DAAM2: variants seen among roughly 807,000 people sequenced by gnomAD.
DAAM2 encodes dishevelled associated activator of morphogenesis 2.
DAAM2 carries 39 observed loss-of-function variants against 120.7 expected under a neutral mutation model. That is an observed-to-expected ratio of 0.32 (90% CI 0.25 to 0.42). The LOEUF is 0.42. Ranked by LOEUF, DAAM2 falls within the 10% of genes least tolerant of loss-of-function variation. The pLI, the probability that DAAM2 is intolerant of heterozygous loss-of-function variation, is 1.00. For missense variants in DAAM2, 1,283 were observed against 1,401.7 expected, an observed-to-expected ratio of 0.92 and a Z score of 1.35; for synonymous variants, 488 against 524.9, an observed-to-expected ratio of 0.93 and a Z score of 0.96.
chr6:39,813,135 G>A (rs1345916122), intron 1 of DAAM2, among the ~76,000 whole-genome samples: 1 of 152,012 alleles, frequency 6.6e-6, no homozygotes. Context: ...GAGAAGGAAA[G>A]AAGAGGCAGA....
chr6:39,869,780 T>TTTTA (rs1554181763), intron 7 of DAAM2, among the ~76,000 whole-genome samples: 2 of 99,168 alleles, frequency 2.0e-5, no homozygotes, highest in African/African-American at 4.1e-5. Flanking sequence ...TTTTTTTTTT[T>TTTTA]AAAAACAATT....
At chr6:39,883,722 T>G in intron 14 of DAAM2, 8 of 433,670 alleles carry the variant, frequency 1.8e-5, no homozygotes, top group East Asian at 7.5e-5. Context: ...TTCTAGAACA[T>G]GTTTACATGT....
chr6:39,837,489 C>T (rs1763146128), intron 1 of DAAM2, among the ~76,000 whole-genome samples: 1 of 151,606 alleles, frequency 6.6e-6, no homozygotes. Context: ...ATGATGAAAC[C>T]CCGTCTCTAC....
chr6:39,815,286 C>A lies in DAAM2; in HGVS notation c.-57+22821C>A, dbSNP rs952505812. ...TCTGAGTTCCTATTTCCACTGAATTCGTTAAGATTATTAACTACCCCTAGG... is the reference window on the plus strand; with the variant it reads ...TCTGAGTTCCTATTTCCACTGAATTAGTTAAGATTATTAACTACCCCTAGG... On this transcript the variant is annotated intron_variant, in intron 1 of 24. Coordinates refer to ENST00000274867, the MANE Select transcript of DAAM2 (RefSeq NM_001201427.2). 3.3e-5 allele frequency among the ~76,000 whole-genome samples: 5 copies of A among 152,258 alleles called. 1 individual carries two copies. In the South Asian group the frequency reaches 1.0e-3, roughly 32 times the overall value.
At chr6:39,864,787 C>T (rs907791835) in intron 4 of DAAM2, among the ~76,000 whole-genome samples, 193 bp from the exon 5 acceptor site, 1 of 152,216 alleles carries the variant, frequency 6.6e-6, no homozygotes, top group African/African-American at 2.4e-5. Context: ...CAGTACTTCT[C>T]TCCATTTCAC....
intron 1 of DAAM2, among the ~76,000 whole-genome samples, chr6:39,854,484 C>T (rs1763926262): frequency 1.3e-5 from 2 of 152,134 alleles, no homozygotes; most frequent in Admixed American, 1.3e-4. Context: ...TGAGGCTTTT[C>T]TGGGCCTATT....
At chr6:39,794,133 G>A (rs1467837935) in intron 1 of DAAM2, among the ~76,000 whole-genome samples, 1 of 152,222 alleles carries the variant, frequency 6.6e-6, no homozygotes, top group Non-Finnish European at 1.5e-5. Flanking sequence ...GTCAACTGAA[G>A]TGTAATGAAG....
At chr6:39,827,938 C>T (rs192217245) in intron 1 of DAAM2, among the ~76,000 whole-genome samples, 8 of 152,224 alleles carry the variant, frequency 5.3e-5, no homozygotes, top group Admixed American at 4.6e-4. Flanking sequence ...GGGAACGCCT[C>T]GCTGTCCTTG....
chr6:39,877,261 C>T (rs1032543943), intron 11 of DAAM2, among the ~76,000 whole-genome samples: 2 of 152,190 alleles, frequency 1.3e-5, no homozygotes, highest in East Asian at 1.9e-4. Context: ...CTTGTGCCAA[C>T]GAACTCTAGG....
chr6:39,825,234 AC>A (rs1455947383), intron 1 of DAAM2, among the ~76,000 whole-genome samples: 3 of 152,032 alleles, frequency 2.0e-5, no homozygotes, highest in Non-Finnish European at 4.4e-5. Context: ...TACTAAAAAT[AC>A]AAAAATTAGC....
chr6:39,803,016 G>T (rs1246975905), intron 1 of DAAM2, among the ~76,000 whole-genome samples: 3 of 152,132 alleles, frequency 2.0e-5, no homozygotes, highest in African/African-American at 7.2e-5. Context: ...TTGTTGTGTA[G>T]ATCATTCATT....
At chr6:39,870,516 T>C in intron 8 of DAAM2, 73 bp downstream of exon 8, 6 of 959,110 alleles carry the variant, frequency 6.3e-6, no homozygotes, top group Non-Finnish European at 8.2e-6. Flanking sequence ...TTGGGACCTT[T>C]GTGAAGGCTG....
intron 1 of DAAM2, among the ~76,000 whole-genome samples, chr6:39,814,388 T>C (rs1351401819): frequency 6.6e-6 from 1 of 152,116 alleles, no homozygotes; most frequent in Admixed American, 6.5e-5. Flanking sequence ...AAAGCCAGCC[T>C]CCCCTTTGAC....
At chr6:39,796,298 C>T (rs1761696938) in intron 1 of DAAM2, among the ~76,000 whole-genome samples, 1 of 152,084 alleles carries the variant, frequency 6.6e-6, no homozygotes, top group Non-Finnish European at 1.5e-5. Flanking sequence ...TTTGTTCAAG[C>T]TCTCTCTTTA....
intron 1 of DAAM2, among the ~76,000 whole-genome samples, chr6:39,824,803 T>A (rs1464385212): frequency 6.6e-6 from 1 of 152,162 alleles, no homozygotes; most frequent in Non-Finnish European, 1.5e-5. Context: ...GTCCAGAGCA[T>A]GGAATTTCTG....
intron 10 of DAAM2, among the ~76,000 whole-genome samples, chr6:39,874,866 C>A (rs1764805788): frequency 6.6e-6 from 1 of 152,194 alleles, no homozygotes; most frequent in South Asian, 2.1e-4. Flanking sequence ...CAGTGCACAC[C>A]TGCAATCAGT....
intron 10 of DAAM2, among the ~76,000 whole-genome samples, chr6:39,874,640 A>G (rs1397138950): frequency 6.6e-6 from 1 of 152,240 alleles, no homozygotes; most frequent in African/African-American, 2.4e-5. Flanking sequence ...TGGTCAATAA[A>G]GTGCTAGGGA....
chr6:39,804,952 C>T (rs540586619), intron 1 of DAAM2, among the ~76,000 whole-genome samples: 1 of 152,230 alleles, frequency 6.6e-6, no homozygotes, highest in Admixed American at 6.5e-5. Flanking sequence ...CCGCCCACCT[C>T]CAGAGCTCCA....
intron 1 of DAAM2, among the ~76,000 whole-genome samples, chr6:39,798,016 C>T (rs145760372): frequency 2.0e-3 from 300 of 152,316 alleles, no homozygotes; most frequent in African/African-American, 6.7e-3. Context: ...GCTGCAATGG[C>T]AGAGTTGAGT....
Sources: gnomAD v4.1 joint callset for allele counts (sites outside exome capture counted in the v4.1 genomes callset) on GRCh38, gnomAD v4.1.1 for gene constraint, MANE v1.5 for transcripts, NCBI Gene and HGNC (gene_info 2026-07-23, HGNC 2026-07-21) for gene names.